The following WRNIP1 variants were observed in gnomAD, a reference collection of about 807,000 sequenced individuals.
WRNIP1 encodes ATPase WRNIP1.
WRNIP1 carries 41 observed loss-of-function variants against 56.1 expected under a neutral mutation model. That is an observed-to-expected ratio of 0.73 (90% CI 0.57 to 0.95). The LOEUF (loss-of-function observed/expected upper bound fraction) is 0.95. Ranked by LOEUF, WRNIP1 falls within the 40% of genes least tolerant of loss-of-function variation. WRNIP1 has a pLI of 0.00. For synonymous variants in WRNIP1, 547 were observed against 398.1 expected, an observed-to-expected ratio of 1.37 and a Z score of -4.45; for missense variants, 1,170 against 939.4, an observed-to-expected ratio of 1.25 and a Z score of -3.21.
intron 3 of WRNIP1, chr6:2,773,616 GA>G (rs1443288998): frequency 1.0e-6 from 1 of 985,114 alleles, no homozygotes; most frequent in African/African-American, 1.7e-5. Flanking sequence ...TGGAGGCCAG[GA>G]AAAAAATGTC....
rs1301071404 is a variant in WRNIP1, at chr6:2,785,139, A to T, written c.1855A>T (p.Arg619Trp). Residue 619 changes from arginine (R) to tryptophan (W), a missense_variant, in exon 7 of 7, where the codon AGG becomes TGG. Transcript: ENST00000380773. ...GPLPPVPLHL[R>W]NAPTRLMKDL... ...ACTGCCCCCCGTGCCCCTGCACCTG[A>T]GGAACGCGCCCACTAGGCTGATGAA... The T allele has an allele frequency of 6.2e-7, 1 of 1,614,068 alleles. No individual in the cohort carries two copies. Among genetic ancestry groups the T allele is most frequent in the Non-Finnish European group, 8.5e-7 (1 of 1,180,038 alleles).
rs769015090 is a variant in WRNIP1 at position 2,785,236 on chromosome 6, C to T, written c.1952C>T (p.Pro651Leu). The change falls in exon 7 of 7, where the codon CCT becomes CTT. Residue 651 changes from proline to leucine, a missense_variant. Physicochemically the swap from Pro to Leu is moderately conservative, Grantham distance 98 (BLOSUM62 -3). Coordinates refer to ENST00000380773, the MANE Select transcript of WRNIP1 (RefSeq NM_020135.3). ...GAGCCTGTGGATCAGGAGTACCTGC[C>T]TGAAGAGTTGAGGGGGGTAGATTTC... is the stretch of plus-strand genomic sequence containing the variant. ...YSEPVDQEYL[P>L]EELRGVDFFK... The T allele has an allele frequency of 6.2e-7, 1 of 1,614,118 alleles. No individual in the cohort carries two copies. Among genetic ancestry groups the T allele is most frequent in the Non-Finnish European group, 8.5e-7 (1 of 1,180,022 alleles).
At chr6:2,773,171 T>C in intron 3 of WRNIP1, 1 of 985,430 alleles carries the variant, frequency 1.0e-6, no homozygotes, top group Non-Finnish European at 1.2e-6. Flanking sequence ...TAAAGTGAAA[T>C]AAGTGTTCTT....
chr6:2,765,878 C>A lies in WRNIP1; in HGVS notation c.256C>A (p.Pro86Thr). Reference protein sequence around the residue: ...ESSALKQPATPTAAESSEGEG... With the variant: ...ESSALKQPATTTAAESSEGEG... Reference sequence around the variant, plus strand: ...CTCGGCGCTGAAGCAGCCAGCCACCCCGACGGCAGCCGAGAGCAGCGAGGG... The same window carrying A: ...CTCGGCGCTGAAGCAGCCAGCCACCACGACGGCAGCCGAGAGCAGCGAGGG... The change falls in exon 1 of 7, where the codon CCG becomes ACG. Residue 86 changes from proline to threonine, a missense_variant. Physicochemically the swap from Pro to Thr is conservative, Grantham distance 38 (BLOSUM62 -1). Coordinates refer to ENST00000380773, the MANE Select transcript of WRNIP1 (RefSeq NM_020135.3). The A allele has an allele frequency of 2.1e-6, 3 of 1,448,462 alleles. No individual in the cohort carries two copies. The highest frequency in any genetic ancestry group is 2.7e-6 in the Non-Finnish European group (3 of 1,102,160). The allele number at this position is 1,448,462 out of a possible 1,614,324, so 89.7% of individuals were successfully genotyped here. A position where few individuals can be genotyped will look rare whatever the true frequency, so the allele number is the denominator to read the frequency against.
At chr6:2,776,775 C>G (rs569952644) in intron 3 of WRNIP1, among the ~76,000 whole-genome samples, 2 of 152,162 alleles carry the variant, frequency 1.3e-5, no homozygotes, top group African/African-American at 4.8e-5. Context: ...CTGCCCATCT[C>G]GTCACTGTCC....
At position 2,772,247 on chromosome 6, in the gene WRNIP1, T is replaced by C. The variant is rs567876560; in HGVS notation, c.1256+1886T>C. ...TAAGATTTAGTTATTGAAACTGATA[T>C]AACAATGAGCTAGAGATTGTTTATC... is the stretch of plus-strand genomic sequence containing the variant. On this transcript the variant is annotated intron_variant, in intron 3 of 6. Coordinates refer to ENST00000380773, the MANE Select transcript of WRNIP1 (RefSeq NM_020135.3). 2.6e-4 allele frequency among the ~76,000 whole-genome samples: 40 copies of C among 152,376 alleles called. No individual in the cohort carries two copies. The South Asian group carries it at 5.8e-3, about 22-fold the overall frequency.
chr6:2,785,269 A>G lies in WRNIP1; in HGVS notation c.1985A>G (p.Gln662Arg). The change falls in exon 7 of 7, where the codon CAG (glutamine) becomes CGG (arginine). Residue 662 changes from glutamine (Q) to arginine (R), a missense_variant. Gln to Arg is a conservative substitution (Grantham distance 43). Coordinates refer to ENST00000380773, the MANE Select transcript of WRNIP1 (RefSeq NM_020135.3). ...TTGAGGGGGGTAGATTTCTTCAAGC[A>G]GAGGAGGTGCTGACTCCTCAGGGCA... ...EELRGVDFFK[Q>R]RRC 6.2e-7 allele frequency: 1 copy of G among 1,613,820 alleles called. No homozygotes were observed. The highest frequency in any genetic ancestry group is 8.5e-7 in the Non-Finnish European group (1 of 1,179,844).
chr6:2,772,235 T>C (rs1294867688), intron 3 of WRNIP1, among the ~76,000 whole-genome samples: 1 of 152,260 alleles, frequency 6.6e-6, no homozygotes, highest in East Asian at 1.9e-4. Flanking sequence ...GATTTAGTTA[T>C]TGAAACTGAT....
intron 3 of WRNIP1, among the ~76,000 whole-genome samples, chr6:2,776,652 A>C (rs1378065015): frequency 6.6e-6 from 1 of 152,194 alleles, no homozygotes; most frequent in Non-Finnish European, 1.5e-5. Context: ...AAATCAATGG[A>C]GTAGACGGCT....
chr6:2,782,754 T>A (rs1241355587), intron 4 of WRNIP1, among the ~76,000 whole-genome samples: 1 of 152,186 alleles, frequency 6.6e-6, no homozygotes, highest in Non-Finnish European at 1.5e-5. Flanking sequence ...TTCATGTGAA[T>A]CTAGGGTAAA....
chr6:2,768,929 A>G (rs200368051), intron 2 of WRNIP1, 47 bp downstream of exon 2: 21 of 1,543,918 alleles, frequency 1.4e-5, no homozygotes, highest in South Asian at 1.4e-4. Flanking sequence ...ACATCAAACA[A>G]TATAAAGTGT....
chr6:2,783,979 CTCT>C (rs1002024145), intron 5 of WRNIP1, among the ~76,000 whole-genome samples: 2 of 152,122 alleles, frequency 1.3e-5, no homozygotes, highest in African/African-American at 4.8e-5. Context: ...GAAAGCTCTC[CTCT>C]TCTTTGGTCT....
chr6:2,768,451 AG>A (rs1765124823), intron 1 of WRNIP1, among the ~76,000 whole-genome samples: 1 of 152,246 alleles, frequency 6.6e-6, no homozygotes, highest in African/African-American at 2.4e-5. Context: ...TTAGGGACAG[AG>A]GAGAAAAGGT....
Position 2,774,684 on chromosome 6 carries a change from C to T in WRNIP1, c.1256+4323C>T, listed in dbSNP as rs1359456495. Among the ~76,000 whole-genome samples the T allele has an allele frequency of 2.0e-5, 3 of 152,158 alleles. No individual in the cohort carries two copies. The South Asian group carries it at 6.2e-4, about 32-fold the overall frequency. On this transcript the variant is annotated intron_variant, in intron 3 of 6. Transcript: ENST00000380773. ...GGTCACTATTCAACCCACTACAGACCCCTACCAAGTATAATGTAATTTGGA... is the reference window on the plus strand; with the variant it reads ...GGTCACTATTCAACCCACTACAGACTCCTACCAAGTATAATGTAATTTGGA...
chr6:2,765,673 G>C lies in WRNIP1; in HGVS notation c.51G>C (p.Gln17His). 4.5e-6 allele frequency: 7 copies of C among 1,553,082 alleles called. No homozygotes were observed. Among genetic ancestry groups the C allele is most frequent in the Non-Finnish European group, 6.0e-6 (7 of 1,157,876 alleles). Reference sequence around the variant, plus strand: ...ACCCCTTCCTTTCGCAGCTGCACCAGGTGCAGTGCCCCGTGTGCCAGCAGA... The same window carrying C: ...ACCCCTTCCTTTCGCAGCTGCACCACGTGCAGTGCCCCGTGTGCCAGCAGA... ...EDDPFLSQLH[Q>H]VQCPVCQQMM... Residue 17 changes from glutamine to histidine, a missense_variant, in exon 1 of 7, where the codon CAG (glutamine) becomes CAC (histidine). Physicochemically the swap from Gln to His is conservative, Grantham distance 24. Transcript: ENST00000380773.
At position 2,766,355 on chromosome 6, in the gene WRNIP1, G is replaced by C. The variant is rs1764984548; in HGVS notation, c.733G>C (p.Ala245Pro). ...GCAGGATTACTTCGGGCAGAGCAAG[G>C]CCGTGGGCCAGGATACCCTGCTGCG... The part of the protein sequence containing the change: ...TLQDYFGQSK[A>P]VGQDTLLRSL... The change falls in exon 1 of 7, where the codon GCC (alanine) becomes CCC (proline). Residue 245 changes from alanine to proline, a missense_variant. Coordinates refer to ENST00000380773, the MANE Select transcript of WRNIP1 (RefSeq NM_020135.3). The C allele has an allele frequency of 6.2e-7, 1 of 1,610,440 alleles. No individual in the cohort carries two copies. Among genetic ancestry groups the C allele is most frequent in the African/African-American group, 1.3e-5 (1 of 75,014 alleles).
intron 2 of WRNIP1, 26 bp downstream of exon 2, chr6:2,768,908 G>A (rs1161755942): frequency 1.0e-5 from 16 of 1,584,958 alleles, no homozygotes; most frequent in Admixed American, 1.8e-5. Context: ...TCTACCTTTT[G>A]GTCGTTGTGA....
chr6:2,776,121 C>A (rs959341337), intron 3 of WRNIP1, among the ~76,000 whole-genome samples: 1 of 152,208 alleles, frequency 6.6e-6, no homozygotes, highest in African/African-American at 2.4e-5. Context: ...AATATCAATA[C>A]AACTATCCCT....
rs768690541 is a variant in WRNIP1, at chr6:2,766,257, CGCTGGCTGCCGAGGAG to C, written c.636_651del (p.Leu213SerfsTer64). 1.4e-5 allele frequency: 22 copies of C among 1,525,756 alleles called. No homozygotes were observed. The highest frequency in any genetic ancestry group is 1.9e-5 in the Non-Finnish European group (22 of 1,137,140). The allele number at this position is 1,525,756 out of a possible 1,614,324, so 94.5% of individuals were successfully genotyped here. On this transcript the variant is annotated frameshift_variant, in exon 1 of 7. Coordinates refer to ENST00000380773, the MANE Select transcript of WRNIP1 (RefSeq NM_020135.3). LOFTEE classifies it high-confidence loss of function. The stretch of plus-strand genomic sequence containing the variant: ...GGCGGGGGCCGCCCGCACCCCCGGG[CGCTGGCTGCCGAGGAG>C]ATCCGACAGATGCTACAGGGCAAGC...
Sources: allele counts gnomAD v4.1 joint callset (sites outside exome capture counted in the v4.1 genomes callset), GRCh38; gene constraint gnomAD v4.1.1; transcripts MANE v1.5; gene names NCBI Gene and HGNC (gene_info 2026-07-23, HGNC 2026-07-21).